RRP15: variants seen among roughly 807,000 people sequenced by gnomAD.
RRP15 encodes RRP15-like protein.
A neutral mutation model predicts 27.1 loss-of-function variants in RRP15; 18 were observed. The ratio of observed to expected loss-of-function variants is 0.66; its 90% CI spans 0.46 to 0.98. The LOEUF is 0.98. RRP15 is among the 50% of genes least tolerant of loss of function. The pLI, the probability that RRP15 is intolerant of heterozygous loss-of-function variation, is 0.00. For missense variants in RRP15, 359 were observed against 337.8 expected (o/e 1.06, Z -0.49); for synonymous variants, 107 against 109.4 (o/e 0.98, Z 0.14).
chr1:218,305,432 CAAT>C (rs1475859008), intron 3 of RRP15, among the ~76,000 whole-genome samples: 3 of 152,180 alleles, frequency 2.0e-5, no homozygotes, highest in Non-Finnish European at 1.5e-5. Flanking sequence ...TTGTGGCACT[CAAT>C]GATGGTTTTT....
chr1:218,329,554 T>C (rs1421191574), intron 4 of RRP15, among the ~76,000 whole-genome samples: 2 of 152,252 alleles, frequency 1.3e-5, no homozygotes, highest in Non-Finnish European at 2.9e-5. Context: ...TGTTCTCCTA[T>C]CAGTGTGACG....
chr1:218,307,587 T>C lies in RRP15; in HGVS notation c.660T>C (p.Ser220=), dbSNP rs771516477. The C allele has an allele frequency of 1.2e-6, 2 of 1,613,950 alleles. No individual in the cohort carries two copies. The highest frequency in any genetic ancestry group is 1.7e-6 in the Non-Finnish European group (2 of 1,179,924). ...GTGTTTTGAGAGGGATGGATGGAAG[T>C]ACAAATGAGACTGCTTCAAGCAGGA... ...FISVLRGMDG[S]TNETASSRKK... Residue 220 remains serine, a synonymous_variant, in exon 4 of 5, where the codon AGT becomes AGC. Coordinates refer to ENST00000366932, the MANE Select transcript of RRP15 (RefSeq NM_016052.4).
chr1:218,291,806 A>C (rs1222251947), intron 1 of RRP15, among the ~76,000 whole-genome samples: 1 of 151,972 alleles, frequency 6.6e-6, no homozygotes, highest in African/African-American at 2.4e-5. Context: ...TTGGGATTAC[A>C]GGCGTGAGCC....
In RRP15 at chr1:218,336,871, G is replaced by A. The variant is rs1656458104; in HGVS notation, c.*5780G>A. On this transcript the variant is annotated 3_prime_UTR_variant, in exon 5 of 5. Transcript: ENST00000366932. ...CATGAGACATGACTGCCGTATCTTG[G>A]TCCTTACTAGGATTCCCAAATATAC... 6.6e-6 allele frequency: 1 copy of A among 152,148 alleles called. No individual in the cohort carries two copies. The highest frequency in any genetic ancestry group is 2.1e-4 in the South Asian group (1 of 4,816). The allele number at this position is 152,148 out of a possible 1,614,324, so 9.4% of individuals were successfully genotyped here. A position where few individuals can be genotyped will look rare whatever the true frequency, so the allele number is the denominator to read the frequency against.
intron 4 of RRP15, among the ~76,000 whole-genome samples, chr1:218,310,923 A>G (rs1376630022): frequency 1.3e-5 from 2 of 151,860 alleles, no homozygotes; most frequent in Non-Finnish European, 1.5e-5. Flanking sequence ...TAATTTTTGT[A>G]TTTTTAGTAG....
intron 1 of RRP15, among the ~76,000 whole-genome samples, chr1:218,290,243 A>G (rs993412186): frequency 1.3e-5 from 2 of 152,228 alleles, no homozygotes; most frequent in African/African-American, 2.4e-5. Flanking sequence ...AAATGTTTAT[A>G]AATACTTACT....
At chr1:218,299,290 A>G (rs1655773536) in intron 1 of RRP15, among the ~76,000 whole-genome samples, 1 of 152,174 alleles carries the variant, frequency 6.6e-6, no homozygotes, top group Non-Finnish European at 1.5e-5. Flanking sequence ...AAATAAAACC[A>G]TGACTTAAGG....
intron 1 of RRP15, among the ~76,000 whole-genome samples, chr1:218,297,766 A>G (rs1655743798): frequency 6.6e-6 from 1 of 152,226 alleles, no homozygotes; most frequent in Admixed American, 6.5e-5. Flanking sequence ...GAATGTTTTT[A>G]AAAGTAAGGA....
rs1571813268 is a variant in RRP15 at position 218,333,903 on chromosome 1, A to G, written c.*2812A>G. On this transcript the variant is annotated 3_prime_UTR_variant, in exon 5 of 5. Transcript: ENST00000366932. ...ATTTTTGGTAACTACTTAGAATAAT[A>G]TAGTAGGTTACTTATCTTCGGTTAG... 6.6e-6 allele frequency: 1 copy of G among 152,348 alleles called. No homozygotes were observed. The highest frequency in any genetic ancestry group is 1.9e-4 in the East Asian group (1 of 5,190). The allele number at this position is 152,348 out of a possible 1,614,324, so 9.4% of individuals were successfully genotyped here. A position where few individuals can be genotyped will look rare whatever the true frequency, so the allele number is the denominator to read the frequency against.
At chr1:218,307,839 G>A (rs1446625568) in intron 4 of RRP15, among the ~76,000 whole-genome samples, 1 of 152,042 alleles carries the variant, frequency 6.6e-6, no homozygotes, top group Non-Finnish European at 1.5e-5. Flanking sequence ...GAGAATAGAA[G>A]CCTGTGTGGG....
intron 4 of RRP15, among the ~76,000 whole-genome samples, chr1:218,322,464 A>G (rs1656201179): frequency 6.6e-6 from 1 of 152,052 alleles, no homozygotes. Flanking sequence ...CGATCTTGGT[A>G]GAAAAAAGCT....
chr1:218,326,196 C>G (rs1421607003), intron 4 of RRP15, among the ~76,000 whole-genome samples: 1 of 152,108 alleles, frequency 6.6e-6, no homozygotes, highest in Non-Finnish European at 1.5e-5. Context: ...ATCCCAGCTA[C>G]TCGGGAGGCT....
chr1:218,328,376 T>C (rs913429855), intron 4 of RRP15, among the ~76,000 whole-genome samples: 1 of 152,150 alleles, frequency 6.6e-6, no homozygotes, highest in African/African-American at 2.4e-5. Context: ...GTTTAAAGTT[T>C]TGTGGGCTGG....
intron 4 of RRP15, among the ~76,000 whole-genome samples, chr1:218,308,058 C>CTTTTT (rs1655928833): frequency 1.5e-5 from 1 of 65,474 alleles, no homozygotes; most frequent in African/African-American, 5.2e-5. Flanking sequence ...TAGTTTCTTT[C>CTTTTT]TTTCTTTTTT....
At chr1:218,328,276 A>C (rs576455917) in intron 4 of RRP15, among the ~76,000 whole-genome samples, 1 of 152,232 alleles carries the variant, frequency 6.6e-6, no homozygotes, top group Non-Finnish European at 1.5e-5. Flanking sequence ...TCATCTTTCA[A>C]GACAAGCATG....
chr1:218,327,127 T>C (rs1254828208), intron 4 of RRP15, among the ~76,000 whole-genome samples: 2 of 152,224 alleles, frequency 1.3e-5, no homozygotes, highest in Non-Finnish European at 2.9e-5. Flanking sequence ...TTCTGAGTTA[T>C]GTCTTTAAAA....
intron 3 of RRP15, among the ~76,000 whole-genome samples, chr1:218,306,617 A>G (rs1655902853): frequency 1.3e-5 from 2 of 152,236 alleles, no homozygotes; most frequent in South Asian, 2.1e-4. Context: ...GCAGAATTTT[A>G]GAGCCGGAAG....
chr1:218,304,733 T>C (rs946344645), intron 2 of RRP15, among the ~76,000 whole-genome samples: 1 of 152,222 alleles, frequency 6.6e-6, no homozygotes, highest in African/African-American at 2.4e-5. Flanking sequence ...AGAGCAGGCA[T>C]GTGGCTCCCT....
At chr1:218,306,421 G>A (rs1211898157) in intron 3 of RRP15, among the ~76,000 whole-genome samples, 1 of 152,098 alleles carries the variant, frequency 6.6e-6, no homozygotes, top group Non-Finnish European at 1.5e-5. Context: ...TTTGTCGGGG[G>A]GAGATGTTAC....
Sources: gnomAD v4.1 joint callset for allele counts (sites outside exome capture counted in the v4.1 genomes callset) on GRCh38, gnomAD v4.1.1 for gene constraint, MANE v1.5 for transcripts, NCBI Gene and HGNC (gene_info 2026-07-23, HGNC 2026-07-21) for gene names.